Variants in EBF1 observed in about 807,000 individuals in gnomAD.
EBF1 encodes the protein transcription factor COE1.
Under a neutral mutation model 68.4 loss-of-function variants are expected in EBF1, and 10 were observed. The ratio of observed to expected loss-of-function variants is 0.15; its 90% CI spans 0.09 to 0.25. The LOEUF (loss-of-function observed/expected upper bound fraction) is 0.25, where lower values mean the gene tolerates loss of function less well. Ranked by LOEUF, EBF1 falls within the 10% of genes least tolerant of loss-of-function variation. The pLI is 1.00. For synonymous variants in EBF1, 298 were observed against 299.8 expected, an observed-to-expected ratio of 0.99 and a Z score of 0.06; for missense variants, 509 against 794.4, an observed-to-expected ratio of 0.64 and a Z score of 4.32.
intron 6 of EBF1, among the ~76,000 whole-genome samples, chr5:158,885,601 C>A (rs1187466344): frequency 6.6e-6 from 1 of 152,148 alleles, no homozygotes; most frequent in Non-Finnish European, 1.5e-5. Flanking sequence ...TATTGAGCAC[C>A]TGCTATGGGC....
At chr5:158,714,269 C>T in intron 11 of EBF1, 87 bp from the exon 12 acceptor site, 1 of 1,499,134 alleles carries the variant, frequency 6.7e-7, no homozygotes, top group Admixed American at 1.7e-5. Flanking sequence ...TCCCTCTGGC[C>T]ATACTTTGCC....
intron 6 of EBF1, among the ~76,000 whole-genome samples, chr5:159,066,470 T>G (rs1776816470): frequency 6.6e-6 from 1 of 152,148 alleles, no homozygotes; most frequent in Non-Finnish European, 1.5e-5. Context: ...GGAGTACACA[T>G]TTCATAGATG....
chr5:158,935,344 G>A (rs571090221), intron 6 of EBF1, among the ~76,000 whole-genome samples: 3 of 152,258 alleles, frequency 2.0e-5, no homozygotes, highest in East Asian at 1.9e-4. Context: ...GACACATTCC[G>A]GAGACGCAAA....
At chr5:158,873,995 G>C (rs1214975269) in intron 6 of EBF1, among the ~76,000 whole-genome samples, 1 of 152,190 alleles carries the variant, frequency 6.6e-6, no homozygotes, top group Non-Finnish European at 1.5e-5. Context: ...AAGAAGGCTA[G>C]AGAGAAAATA....
chr5:159,097,247 A>T, intron 1 of EBF1, 117 bp from the exon 2 acceptor site: 8 of 1,219,270 alleles, frequency 6.6e-6, no homozygotes, highest in Non-Finnish European at 9.0e-6. Context: ...CAAAACATCC[A>T]GTGGGCGCTC....
chr5:158,869,273 C>T (rs1052778046), intron 6 of EBF1, among the ~76,000 whole-genome samples: 9 of 152,122 alleles, frequency 5.9e-5, no homozygotes, highest in Admixed American at 3.3e-4. Flanking sequence ...CTTCACAAGG[C>T]GCAGTGAGAT....
chr5:158,847,408 G>A (rs1791732108), intron 6 of EBF1, among the ~76,000 whole-genome samples: 1 of 152,130 alleles, frequency 6.6e-6, no homozygotes, highest in Admixed American at 6.5e-5. Flanking sequence ...AGTTGCCAAT[G>A]GGGAAAGAAA....
intron 6 of EBF1, among the ~76,000 whole-genome samples, chr5:159,005,514 A>C (rs1026237904): frequency 2.0e-5 from 3 of 152,158 alleles, no homozygotes; most frequent in African/African-American, 7.2e-5. Context: ...AAGCACTCTG[A>C]GTGTGCATTT....
intron 8 of EBF1, among the ~76,000 whole-genome samples, chr5:158,822,887 T>C (rs1785165348): frequency 1.3e-5 from 2 of 152,192 alleles, no homozygotes; most frequent in African/African-American, 4.8e-5. Flanking sequence ...GAGCTTAGAA[T>C]AAAGCAATGG....
At chr5:158,809,503 G>A (rs1157589851) in intron 8 of EBF1, among the ~76,000 whole-genome samples, 3 of 152,130 alleles carry the variant, frequency 2.0e-5, no homozygotes, top group African/African-American at 7.2e-5. Flanking sequence ...AAGATAGAGG[G>A]TGGATATTTA....
chr5:159,031,983 T>C (rs1182904593), intron 6 of EBF1, among the ~76,000 whole-genome samples: 1 of 152,234 alleles, frequency 6.6e-6, no homozygotes, highest in Non-Finnish European at 1.5e-5. Flanking sequence ...AAAAAAATTT[T>C]CAAATGTTGA....
At chr5:158,803,977 TG>T (rs1422021201) in intron 8 of EBF1, among the ~76,000 whole-genome samples, 14 of 146,766 alleles carry the variant, frequency 9.5e-5, no homozygotes, top group African/African-American at 3.6e-4. Flanking sequence ...TGTGTGTGTG[TG>T]TGTGATGTTT....
In EBF1 at chr5:158,891,338, G is replaced by GT. The variant is rs376239744; in HGVS notation, c.555-51229dup. Among the ~76,000 whole-genome samples, 311 of 152,296 alleles carry GT rather than the reference G, an allele frequency of 2.0e-3. 3 individuals carry two copies. Among genetic ancestry groups the GT allele is most frequent in the African/African-American group, 7.3e-3 (303 of 41,564 alleles). Reference sequence around the variant, plus strand: ...TGATTTCAGTGGGAACTGTGTCCCTGTAACTGTAGGAAGAAGCTCATCCTT... The same window carrying GT: ...TGATTTCAGTGGGAACTGTGTCCCTGTTAACTGTAGGAAGAAGCTCATCCTT... On this transcript the variant is annotated intron_variant, in intron 6 of 15. Transcript: ENST00000313708.
At chr5:158,760,387 C>T (rs2127614599) in intron 10 of EBF1, among the ~76,000 whole-genome samples, 1 of 152,098 alleles carries the variant, frequency 6.6e-6, no homozygotes, top group East Asian at 1.9e-4. Context: ...ACATGAGAAC[C>T]CATTATATAA....
chr5:158,813,060 C>G (rs1782999057), intron 8 of EBF1, among the ~76,000 whole-genome samples: 1 of 152,138 alleles, frequency 6.6e-6, no homozygotes, highest in African/African-American at 2.4e-5. Flanking sequence ...ACCCTTACAG[C>G]CCTCTCTAAC....
intron 10 of EBF1, among the ~76,000 whole-genome samples, chr5:158,731,847 C>T (rs1764161927): frequency 2.0e-5 from 3 of 152,144 alleles, no homozygotes; most frequent in Admixed American, 1.3e-4. Flanking sequence ...AAGAATAATC[C>T]TTGAAAACAC....
intron 6 of EBF1, among the ~76,000 whole-genome samples, chr5:158,980,508 C>A (rs1057384598): frequency 1.3e-5 from 2 of 152,212 alleles, no homozygotes; most frequent in African/African-American, 4.8e-5. Flanking sequence ...GAAACCAGCA[C>A]ACTCAACCCC....
intron 10 of EBF1, among the ~76,000 whole-genome samples, chr5:158,763,446 A>G (rs916906292): frequency 2.6e-5 from 4 of 152,184 alleles, no homozygotes; most frequent in African/African-American, 9.7e-5. Flanking sequence ...CACTTCACCC[A>G]CAGTGAAAAT....
At chr5:158,877,648 C>T (rs949180031) in intron 6 of EBF1, among the ~76,000 whole-genome samples, 4 of 152,054 alleles carry the variant, frequency 2.6e-5, no homozygotes, top group East Asian at 1.9e-4. Flanking sequence ...TCTAGAGAGA[C>T]ATTTTAGTGA....
Sources: allele counts gnomAD v4.1 joint callset (sites outside exome capture counted in the v4.1 genomes callset), GRCh38; gene constraint gnomAD v4.1.1; transcripts MANE v1.5; gene names NCBI Gene and HGNC (gene_info 2026-07-23, HGNC 2026-07-21).